CEP41: variants seen among roughly 807,000 people sequenced by gnomAD.
CEP41 encodes centrosomal protein of 41 kDa.
Under a neutral mutation model 44.3 loss-of-function variants are expected in CEP41, and 32 were observed. That is an observed-to-expected ratio of 0.72 (90% CI 0.54 to 0.97). The LOEUF (loss-of-function observed/expected upper bound fraction) is 0.97, where lower values mean the gene tolerates loss of function less well. CEP41 is among the 50% of genes least tolerant of loss of function. The pLI, the probability that CEP41 is intolerant of heterozygous loss-of-function variation, is 0.00. For synonymous variants in CEP41, 151 were observed against 168.5 expected (o/e 0.90, Z 0.80); for missense variants, 432 against 455.2 (o/e 0.95, Z 0.46).
At chr7:130,402,930 T>C (rs1260351496) in intron 6 of CEP41, 131 bp from the exon 7 acceptor site, 1 of 924,702 alleles carries the variant, frequency 1.1e-6, no homozygotes, top group Admixed American at 1.7e-5. Context: ...CAAAGGAAAA[T>C]GGACGTGGTG....
rs1452441069 is a variant in CEP41, at chr7:130,404,553, G to A, written c.422+11C>T. On this transcript the variant is annotated intron_variant, in intron 6 of 10. Transcript: ENST00000223208. ...CAAAATGCAGTGAAAATATGAATCA[G>A]CTTCGAGTACCTCTGAAGAGTTGAG... The A allele has an allele frequency of 1.9e-6, 3 of 1,610,560 alleles. No homozygotes were observed. The highest frequency in any genetic ancestry group is 2.5e-6 in the Non-Finnish European group (3 of 1,176,846).
intron 5 of CEP41, among the ~76,000 whole-genome samples, chr7:130,409,028 C>T (rs1265732354): frequency 6.6e-6 from 1 of 152,096 alleles, no homozygotes; most frequent in African/African-American, 2.4e-5. Flanking sequence ...GGAAAGCGGA[C>T]CAAAACATAG....
chr7:130,402,594 G>A, intron 7 of CEP41, 54 bp downstream of exon 7: 1 of 1,595,584 alleles, frequency 6.3e-7, no homozygotes, highest in Non-Finnish European at 8.6e-7. Flanking sequence ...CTAGACTCAA[G>A]AGCAGGCTCT....
At chr7:130,428,922 T>A (rs55965115) in intron 1 of CEP41, among the ~76,000 whole-genome samples, 4,485 of 150,768 alleles carry the variant, frequency 0.03, 73 homozygotes, top group African/African-American at 0.041. Context: ...AAAAAATAAA[T>A]AAATAAATAA....
intron 9 of CEP41, 91 bp from the exon 10 acceptor site, chr7:130,400,345 G>A: frequency 1.1e-6 from 1 of 901,874 alleles, no homozygotes; most frequent in Non-Finnish European, 1.9e-6. Flanking sequence ...TCTAATCTCT[G>A]GTCATCAAGT....
At chr7:130,400,986 A>G in intron 8 of CEP41, 165 bp from the exon 9 acceptor site, 1 of 636,644 alleles carries the variant, frequency 1.6e-6, no homozygotes, top group East Asian at 2.8e-5. Context: ...GTTTCCCATC[A>G]TGGAAACCAC....
chr7:130,409,829 C>T (rs1424516669), intron 5 of CEP41, among the ~76,000 whole-genome samples: 1 of 152,104 alleles, frequency 6.6e-6, no homozygotes, highest in Admixed American at 6.6e-5. Flanking sequence ...TTATCTCCTA[C>T]CCAGCGCCTA....
At chr7:130,423,982 A>T (rs1797587242) in intron 2 of CEP41, among the ~76,000 whole-genome samples, 1 of 152,384 alleles carries the variant, frequency 6.6e-6, no homozygotes, top group East Asian at 1.9e-4. Context: ...CCCCATGTTG[A>T]CAAACAGGCT....
chr7:130,398,742 A>C lies in CEP41; in HGVS notation c.*149T>G. Reference sequence around the variant, plus strand: ...GAGGTGGCCTCCTGAGGGGAGAGGAACTGGAGACAGGGACAGGGAAGAGGC... The same window carrying C: ...GAGGTGGCCTCCTGAGGGGAGAGGACCTGGAGACAGGGACAGGGAAGAGGC... On this transcript the variant is annotated 3_prime_UTR_variant, in exon 11 of 11. Coordinates refer to ENST00000223208, the MANE Select transcript of CEP41 (RefSeq NM_018718.3). 1 of 970,748 alleles carries C rather than the reference A, an allele frequency of 1.0e-6. No individual in the cohort carries two copies. The highest frequency in any genetic ancestry group is 2.4e-5 in the East Asian group (1 of 41,870). The allele number at this position is 970,748 out of a possible 1,614,324, so 60.1% of individuals were successfully genotyped here.
chr7:130,417,392 AC>A, intron 2 of CEP41: 1 of 1,047,224 alleles, frequency 9.5e-7, no homozygotes, highest in Non-Finnish European at 1.2e-6. Flanking sequence ...CTTTGTGGTT[AC>A]CCAAGCAACT....
chr7:130,421,292 G>T, intron 2 of CEP41: 5 of 985,414 alleles, frequency 5.1e-6, no homozygotes, highest in Non-Finnish European at 6.0e-6. Context: ...AGATTTATAA[G>T]GCACGAACTC....
chr7:130,416,923 C>G lies in CEP41; in HGVS notation c.141G>C (p.Lys47Asn). 3.8e-6 allele frequency: 6 copies of G among 1,588,356 alleles called. No individual in the cohort carries two copies. Among genetic ancestry groups the G allele is most frequent in the Non-Finnish European group, 5.2e-6 (6 of 1,156,506 alleles). Residue 47 changes from lysine (K) to asparagine (N), a missense_variant, in exon 3 of 11, where the codon AAG becomes AAC. Physicochemically the swap from Lys to Asn is moderately conservative, Grantham distance 94. Coordinates refer to ENST00000223208, the MANE Select transcript of CEP41 (RefSeq NM_018718.3). ...TKYTEKLEEI[K>N]KNYRYKKDEL... is the part of the protein sequence containing the mutation. ...ACCATCAAGAGTGTTACTTACTTTT[C>G]TTAATCTCTTCGAGCTTCTCAGTAT...
At chr7:130,420,852 T>G (rs977560916) in intron 2 of CEP41, 57 of 866,860 alleles carry the variant, frequency 6.6e-5, no homozygotes, top group Middle Eastern at 6.0e-4. Context: ...AACTGAAAAA[T>G]CCTTATAATG....
intron 2 of CEP41, chr7:130,420,953 A>C (rs1797489792): frequency 1.0e-6 from 1 of 982,456 alleles, no homozygotes; most frequent in Non-Finnish European, 1.2e-6. Flanking sequence ...ACTTATATAC[A>C]GTATATGTTA....
Position 130,399,163 on chromosome 7 carries a change from C to G in CEP41, c.974-124G>C. 3.2e-6 allele frequency: 4 copies of G among 1,237,472 alleles called. No individual in the cohort carries two copies. The South Asian group carries it at 4.9e-5, about 15-fold the overall frequency. 76.7% of individuals were successfully genotyped at this position (1,237,472 alleles called of 1,614,324 possible). On this transcript the variant is annotated intron_variant, in intron 10 of 10. Transcript: ENST00000223208. ...ACTTTTAAGCTAATGAAGTCCTATG[C>G]AGTATCTACTTTAGGCCAACGATGG... is the stretch of plus-strand genomic sequence containing the variant.
intron 7 of CEP41, 106 bp downstream of exon 7, chr7:130,402,542 G>C: frequency 8.2e-7 from 1 of 1,224,492 alleles, no homozygotes; most frequent in Non-Finnish European, 1.2e-6. Context: ...GCTAACATAC[G>C]GTTTCCTCAA....
chr7:130,407,796 AC>A (rs1391516031), intron 5 of CEP41, among the ~76,000 whole-genome samples: 1 of 152,214 alleles, frequency 6.6e-6, no homozygotes, highest in Non-Finnish European at 1.5e-5. Flanking sequence ...ATAAAAGAAA[AC>A]AATAGTACAG....
Position 130,394,096 on chromosome 7 carries a change from T to C in CEP41, c.*4795A>G, listed in dbSNP as rs1292107297. 4.4e-6 allele frequency: 2 copies of C among 453,900 alleles called. No individual in the cohort carries two copies. Among genetic ancestry groups the C allele is most frequent in the African/African-American group, 4.0e-5 (2 of 49,964 alleles). 28.1% of individuals were successfully genotyped at this position (453,900 alleles called of 1,614,324 possible). ...CTGACTAGGAGGGAAGGGAAGCCAA[T>C]AGCGAAGGGAAAGGTACATTTTCAC... On this transcript the variant is annotated 3_prime_UTR_variant, in exon 11 of 11. Coordinates refer to ENST00000223208, the MANE Select transcript of CEP41 (RefSeq NM_018718.3).
intron 5 of CEP41, 71 bp downstream of exon 5, chr7:130,411,051 A>G: frequency 9.1e-6 from 12 of 1,315,970 alleles, no homozygotes; most frequent in Non-Finnish European, 1.2e-5. Flanking sequence ...CAGACAGCAA[A>G]TGTGTACAGG....
Sources: gnomAD v4.1 joint callset for allele counts (sites outside exome capture counted in the v4.1 genomes callset) on GRCh38, gnomAD v4.1.1 for gene constraint, MANE v1.5 for transcripts, NCBI Gene and HGNC (gene_info 2026-07-23, HGNC 2026-07-21) for gene names.